The following COL8A1 variants were observed in gnomAD, a reference collection of about 807,000 sequenced individuals.
The protein encoded by COL8A1 is collagen type VIII alpha 1 chain, also known as collagen alpha-1(VIII) chain.
Under a neutral mutation model 42.7 loss-of-function variants are expected in COL8A1, and 21 were observed. That is an observed-to-expected ratio of 0.49 (90% confidence interval 0.35 to 0.71). The LOEUF is 0.71. COL8A1 is among the 30% of genes least tolerant of loss of function. The pLI is 0.01. For synonymous variants in COL8A1, 367 were observed against 369.1 expected (o/e 0.99, Z 0.06); for missense variants, 788 against 962.4 (o/e 0.82, Z 2.40).
chr3:99,752,548 G>C (rs1376233457), intron 2 of COL8A1, among the ~76,000 whole-genome samples: 1 of 151,902 alleles, frequency 6.6e-6, no homozygotes, highest in East Asian at 1.9e-4. Flanking sequence ...TATCACCCAA[G>C]GTCAGCTCCA....
intron 1 of COL8A1, among the ~76,000 whole-genome samples, chr3:99,738,013 C>T (rs1010115604): frequency 9.2e-5 from 14 of 151,988 alleles, no homozygotes; most frequent in South Asian, 2.1e-4. Context: ...TCCAGTTGAT[C>T]GCATCGGCTC....
At chr3:99,781,731 G>A (rs1941797297) in intron 2 of COL8A1, among the ~76,000 whole-genome samples, 1 of 152,120 alleles carries the variant, frequency 6.6e-6, no homozygotes, top group South Asian at 2.1e-4. Context: ...GTAAGTAACA[G>A]TGTTCTGCAG....
chr3:99,659,089 C>T (rs1938119774), intron 1 of COL8A1, among the ~76,000 whole-genome samples: 1 of 152,184 alleles, frequency 6.6e-6, no homozygotes, highest in Non-Finnish European at 1.5e-5. Context: ...CTAGGAAGAA[C>T]AAGACCAGAA....
chr3:99,725,279 G>C (rs1233218924), intron 1 of COL8A1, among the ~76,000 whole-genome samples: 1 of 152,012 alleles, frequency 6.6e-6, no homozygotes, highest in African/African-American at 2.4e-5. Flanking sequence ...ACTGCCATAA[G>C]AAAGTTCTTC....
chr3:99,796,126 A>T lies in COL8A1; in HGVS notation c.2225A>T (p.Tyr742Phe), dbSNP rs1347488654. 6.8e-7 allele frequency: 1 copy of T among 1,475,648 alleles called. No homozygotes were observed. 91.4% of individuals were successfully genotyped at this position (1,475,648 alleles called of 1,614,324 possible). ...TCCTCCTTTTCAGGATATTTATTGT[A>T]TCCCATGTAAAAACAAAAAAACAAA... is the stretch of plus-strand genomic sequence containing the variant. The part of the protein sequence containing the change: ...VHSSFSGYLL[Y>F]PM Residue 742 changes from tyrosine to phenylalanine, a missense_variant, in exon 4 of 4, where the codon TAT becomes TTT. This residue lies in a region of COL8A1 where 212 missense variants were observed against 210.9 expected (regional missense o/e 1.00). Transcript: ENST00000652472.
At chr3:99,731,332 C>T (rs371494223) in intron 1 of COL8A1, among the ~76,000 whole-genome samples, 1 of 152,156 alleles carries the variant, frequency 6.6e-6, no homozygotes, top group Non-Finnish European at 1.5e-5. Flanking sequence ...CCATGCAGTG[C>T]TCTGGAGGAA....
intron 1 of COL8A1, among the ~76,000 whole-genome samples, chr3:99,733,678 T>G (rs998022116): frequency 2.6e-5 from 4 of 151,850 alleles, no homozygotes; most frequent in African/African-American, 7.2e-5. Context: ...ATGGGATGGC[T>G]GGGTCAAATG....
At chr3:99,741,015 A>G (rs1390890793) in intron 1 of COL8A1, among the ~76,000 whole-genome samples, 5 of 152,188 alleles carry the variant, frequency 3.3e-5, no homozygotes, top group African/African-American at 9.6e-5. Context: ...ATCAAATAAT[A>G]TAAATATTTT....
At chr3:99,726,078 T>A (rs1237550451) in intron 1 of COL8A1, among the ~76,000 whole-genome samples, 2 of 152,176 alleles carry the variant, frequency 1.3e-5, no homozygotes, top group African/African-American at 2.4e-5. Context: ...CAGTACCTGT[T>A]GTTTTCTGAC....
intron 1 of COL8A1, among the ~76,000 whole-genome samples, chr3:99,660,060 G>T (rs974094278): frequency 6.6e-5 from 10 of 152,190 alleles, no homozygotes; most frequent in Admixed American, 3.9e-4. Context: ...AGCTTCTCTG[G>T]TTTTTAATAA....
intron 1 of COL8A1, among the ~76,000 whole-genome samples, chr3:99,744,021 C>G (rs2107405279): frequency 6.6e-6 from 1 of 152,116 alleles, no homozygotes; most frequent in African/African-American, 2.4e-5. Flanking sequence ...CTCCGCCTCC[C>G]AGGTTCACGC....
chr3:99,697,753 A>G (rs1370421426), intron 1 of COL8A1, among the ~76,000 whole-genome samples: 2 of 152,252 alleles, frequency 1.3e-5, no homozygotes, highest in Non-Finnish European at 2.9e-5. Flanking sequence ...ATTTGTGGAT[A>G]CACATTCGAG....
intron 1 of COL8A1, among the ~76,000 whole-genome samples, chr3:99,702,070 A>G (rs139597602): frequency 6.6e-6 from 1 of 152,318 alleles, no homozygotes; most frequent in African/African-American, 2.4e-5. Context: ...GGCAATAGAA[A>G]GACTTCTGCT....
chr3:99,721,232 T>C (rs1253670030), intron 1 of COL8A1, among the ~76,000 whole-genome samples: 1 of 151,548 alleles, frequency 6.6e-6, no homozygotes, highest in Admixed American at 6.6e-5. Context: ...ACAATTAATG[T>C]GAGTTGTGTA....
chr3:99,671,762 G>C (rs891023929), intron 1 of COL8A1, among the ~76,000 whole-genome samples: 1 of 151,872 alleles, frequency 6.6e-6, no homozygotes, highest in Non-Finnish European at 1.5e-5. Flanking sequence ...CAGTAAGAAG[G>C]TTCTTCACAT....
chr3:99,649,730 C>T (rs554022725), intron 1 of COL8A1, among the ~76,000 whole-genome samples: 2 of 152,198 alleles, frequency 1.3e-5, no homozygotes, highest in South Asian at 4.2e-4. Flanking sequence ...ATCTCCCTTT[C>T]CTCCCCATCC....
intron 1 of COL8A1, among the ~76,000 whole-genome samples, chr3:99,714,724 G>A (rs1375643395): frequency 6.6e-6 from 1 of 152,002 alleles, no homozygotes; most frequent in Non-Finnish European, 1.5e-5. Flanking sequence ...TACAAGGCAG[G>A]CAAAATTCCT....
intron 1 of COL8A1, among the ~76,000 whole-genome samples, chr3:99,729,550 G>C (rs181932826): frequency 6.6e-6 from 1 of 151,890 alleles, no homozygotes; most frequent in Admixed American, 6.6e-5. Flanking sequence ...CTAGACACTC[G>C]ATGGTGCCTT....
At chr3:99,642,894 T>C (rs769730877) in intron 1 of COL8A1, among the ~76,000 whole-genome samples, 1 of 152,246 alleles carries the variant, frequency 6.6e-6, no homozygotes, top group Non-Finnish European at 1.5e-5. Context: ...TTAAAATTGC[T>C]ACTTGCCTCC....
Sources: allele counts gnomAD v4.1 joint callset (sites outside exome capture counted in the v4.1 genomes callset), GRCh38; gene constraint gnomAD v4.1.1; regional missense constraint gnomAD v4.1.1; transcripts MANE v1.5; gene names NCBI Gene and HGNC (gene_info 2026-07-23, HGNC 2026-07-21).